The following KCTD20 variants were observed in gnomAD, a reference collection of about 807,000 sequenced individuals.
KCTD20 encodes potassium channel tetramerization domain containing 20.
KCTD20 carries 30 observed loss-of-function variants against 39.6 expected under a neutral mutation model. The observed-to-expected ratio is 0.76, with a 90% CI of 0.57 to 1.03. The LOEUF (loss-of-function observed/expected upper bound fraction) is 1.03, where lower values mean the gene tolerates loss of function less well. Ranked by LOEUF, KCTD20 falls within the 50% of genes least tolerant of loss-of-function variation. The pLI, the probability that KCTD20 is intolerant of heterozygous loss-of-function variation, is 0.00. For missense variants in KCTD20, 422 were observed against 522.0 expected, an observed-to-expected ratio of 0.81 and a Z score of 1.87; for synonymous variants, 162 against 180.6, an observed-to-expected ratio of 0.90 and a Z score of 0.83.
intron 1 of KCTD20, among the ~76,000 whole-genome samples, chr6:36,455,598 T>A (rs1775408974): frequency 8.2e-6 from 1 of 122,232 alleles, no homozygotes; most frequent in African/African-American, 3.3e-5. Context: ...ACCAGTAGTG[T>A]GTGTGTGTGT....
chr6:36,476,616 G>A (rs1220108504), intron 3 of KCTD20, among the ~76,000 whole-genome samples: 1 of 151,908 alleles, frequency 6.6e-6, no homozygotes, highest in African/African-American at 2.4e-5. Flanking sequence ...TTTTAGTAGA[G>A]ATGGGGTTTC....
At chr6:36,467,476 C>G (rs1418914286) in intron 1 of KCTD20, among the ~76,000 whole-genome samples, 1 of 148,874 alleles carries the variant, frequency 6.7e-6, no homozygotes, top group Non-Finnish European at 1.5e-5. Context: ...GTAGCTGGGA[C>G]TACAGGCGCC....
rs891697884 is a variant in KCTD20 at position 36,484,021 on chromosome 6, C to T, written c.857-693C>T. ...ATGGCGTGATCTTGGCTCACTGCAACTTCTGCCTCCAGGGTTCAAGTGCTT... is the reference window on the plus strand; with the variant it reads ...ATGGCGTGATCTTGGCTCACTGCAATTTCTGCCTCCAGGGTTCAAGTGCTT... On this transcript the variant is annotated intron_variant, in intron 6 of 7. Transcript: ENST00000373731. Among the ~76,000 whole-genome samples the T allele has an allele frequency of 2.0e-5, 3 of 150,332 alleles. No individual in the cohort carries two copies. The Admixed American group carries it at 2.0e-4, about 10-fold the overall frequency.
intron 7 of KCTD20, 109 bp downstream of exon 7, chr6:36,484,933 A>G (rs1317778635): frequency 1.6e-6 from 1 of 614,966 alleles, no homozygotes; most frequent in Non-Finnish European, 3.0e-6. Flanking sequence ...ATACATGAAA[A>G]CCACATTCTT....
chr6:36,467,296 A>T (rs1474605365), intron 1 of KCTD20, among the ~76,000 whole-genome samples: 1 of 142,106 alleles, frequency 7.0e-6, no homozygotes, highest in Admixed American at 7.1e-5. Flanking sequence ...CAACAAGTGA[A>T]AGACTCCGAA....
chr6:36,462,986 T>C (rs1262025483), intron 1 of KCTD20, among the ~76,000 whole-genome samples: 1 of 152,254 alleles, frequency 6.6e-6, no homozygotes, highest in Non-Finnish European at 1.5e-5. Context: ...TCTTTAGCTT[T>C]ACCCAAGGGA....
intron 1 of KCTD20, among the ~76,000 whole-genome samples, chr6:36,445,708 T>G (rs755740284): frequency 6.6e-6 from 1 of 151,856 alleles, no homozygotes; most frequent in Non-Finnish European, 1.5e-5. Context: ...ATCTGAGAGA[T>G]GAGATTGCAG....
At chr6:36,445,261 CAAAAAAAAAAA>C (rs34039126) in intron 1 of KCTD20, among the ~76,000 whole-genome samples, 1 of 79,770 alleles carries the variant, frequency 1.3e-5, no homozygotes, top group African/African-American at 4.7e-5. Flanking sequence ...GACTCCGTCT[CAAAAAAAAAAA>C]AAAAAAAAAA....
At chr6:36,482,165 T>C (rs766759762) in intron 6 of KCTD20, among the ~76,000 whole-genome samples, 71 of 152,242 alleles carry the variant, frequency 4.7e-4, no homozygotes, top group Non-Finnish European at 8.8e-4. Context: ...TCCAGGTATA[T>C]TCAGTGTACA....
At chr6:36,450,234 T>A (rs1775205391) in intron 1 of KCTD20, among the ~76,000 whole-genome samples, 2 of 144,584 alleles carry the variant, frequency 1.4e-5, no homozygotes, top group South Asian at 4.5e-4. Flanking sequence ...CTGCGTGTAA[T>A]CCCAACACTT....
chr6:36,467,718 C>T (rs970872733), intron 1 of KCTD20, among the ~76,000 whole-genome samples: 5 of 152,036 alleles, frequency 3.3e-5, no homozygotes, highest in African/African-American at 1.2e-4. Context: ...CTTGGAGTTC[C>T]ATAGTACGCT....
chr6:36,458,228 T>A lies in KCTD20; in HGVS notation c.-46-11824T>A, dbSNP rs115457144. Reference sequence around the variant, plus strand: ...CCACCATGGCCAGCTAATTTTTTTTTATTTTTATTTTTGTAGAGAAAGGTC... The same window carrying A: ...CCACCATGGCCAGCTAATTTTTTTTAATTTTTATTTTTGTAGAGAAAGGTC... On this transcript the variant is annotated intron_variant, in intron 1 of 7. Coordinates refer to ENST00000373731, the MANE Select transcript of KCTD20 (RefSeq NM_173562.5). Among the ~76,000 whole-genome samples the A allele has an allele frequency of 6.6e-3, 1,009 of 152,100 alleles. 8 individuals carry two copies. Among genetic ancestry groups the A allele is most frequent in the African/African-American group, 0.021 (884 of 41,508 alleles).
intron 7 of KCTD20, 69 bp from the exon 8 acceptor site, chr6:36,486,814 A>G: frequency 1.6e-6 from 2 of 1,262,118 alleles, no homozygotes; most frequent in Non-Finnish European, 2.3e-6. Context: ...TGTGGTTAGG[A>G]AGGAGAAAGT....
rs550520667 is a variant in KCTD20, at chr6:36,480,410, CTT to C, written c.658+721_658+722del. The stretch of plus-strand genomic sequence containing the variant: ...CAGGTTCTCCTGATCATGATATTGC[CTT>C]TTTTTTTTTTTTTTTTTTTTTAATT... On this transcript the variant is annotated intron_variant, in intron 5 of 7. Coordinates refer to ENST00000373731, the MANE Select transcript of KCTD20 (RefSeq NM_173562.5). Among the ~76,000 whole-genome samples, 649 of 121,738 alleles carry C rather than the reference CTT, an allele frequency of 5.3e-3. 6 individuals are homozygous for C. Among genetic ancestry groups the C allele is most frequent in the African/African-American group, 0.02 (614 of 31,350 alleles). The allele number at this position is 121,738 out of a possible 152,430, so 79.9% of individuals were successfully genotyped here.
Position 36,485,619 on chromosome 6 carries a change from G to C in KCTD20, c.967+795G>C, listed in dbSNP as rs754885796. Among the ~76,000 whole-genome samples, 14 of 150,290 alleles carry C rather than the reference G, an allele frequency of 9.3e-5. No homozygotes were observed. In the Admixed American group the frequency reaches 9.4e-4, roughly 10 times the overall value. On this transcript the variant is annotated intron_variant, in intron 7 of 7. Coordinates refer to ENST00000373731, the MANE Select transcript of KCTD20 (RefSeq NM_173562.5). ...CGCCATTCTTCTGCCTCAGCCTCTC[G>C]AGTAGCTGGGACTACAGGCACCCGC...
intron 3 of KCTD20, among the ~76,000 whole-genome samples, chr6:36,476,162 A>G (rs964007359): frequency 1.3e-5 from 2 of 152,200 alleles, no homozygotes; most frequent in Non-Finnish European, 2.9e-5. Context: ...CTGGCCAACC[A>G]TAGACCTTAA....
intron 7 of KCTD20, 52 bp downstream of exon 7, chr6:36,484,876 C>T (rs1776370327): frequency 9.9e-7 from 1 of 1,014,456 alleles, no homozygotes; most frequent in Non-Finnish European, 1.5e-6. Context: ...TCTATTGCCA[C>T]AGCTTACATC....
rs1491420397 is a variant in KCTD20 at position 36,479,259 on chromosome 6, CAG to C, written c.537+37_537+38del. On this transcript the variant is annotated intron_variant, in intron 4 of 7. Transcript: ENST00000373731. ...GCCTTTTTTGTTACATTCTCTTCCT[CAG>C]GGGCATGTGTGATCAATAGCCTTGA... The C allele has an allele frequency of 5.6e-6, 8 of 1,431,418 alleles. No homozygotes were observed. In the East Asian group the frequency reaches 1.4e-4, roughly 25 times the overall value. The allele number at this position is 1,431,418 out of a possible 1,614,324, so 88.7% of individuals were successfully genotyped here.
rs1285191509 is a variant in KCTD20 at position 36,474,977 on chromosome 6, G to C, written c.349G>C (p.Glu117Gln). ...CAGTAATTCCCATTCCCAAGCACCA[G>C]AGAAAGTGACGCTTCTTGTAGATGG... Reference protein sequence around the residue: ...FGSNSHSQAPEKVTLLVDGTR... With the variant: ...FGSNSHSQAPQKVTLLVDGTR... The change falls in exon 3 of 8, where the codon GAG becomes CAG. Residue 117 changes from glutamate (E) to glutamine (Q), a missense_variant. Transcript: ENST00000373731. The C allele has an allele frequency of 6.2e-7, 1 of 1,614,140 alleles. No homozygotes were observed. Among genetic ancestry groups the C allele is most frequent in the Non-Finnish European group, 8.5e-7 (1 of 1,180,024 alleles).
Sources: allele counts gnomAD v4.1 joint callset (sites outside exome capture counted in the v4.1 genomes callset), GRCh38; gene constraint gnomAD v4.1.1; transcripts MANE v1.5; gene names NCBI Gene and HGNC (gene_info 2026-07-23, HGNC 2026-07-21).